KCNK10: variants seen among roughly 807,000 people sequenced by gnomAD.
KCNK10 encodes potassium two pore domain channel subfamily K member 10, also known as potassium channel subfamily K member 10.
In KCNK10, 25 loss-of-function variants were observed where a neutral mutation model predicts 47.7. The observed-to-expected ratio is 0.52, with a 90% confidence interval of 0.38 to 0.73. The LOEUF is 0.73. Ranked by LOEUF, KCNK10 falls within the 30% of genes least tolerant of loss-of-function variation. KCNK10 has a pLI of 0.00. For synonymous variants in KCNK10, 303 were observed against 285.6 expected, an observed-to-expected ratio of 1.06 and a Z score of -0.61; for missense variants, 563 against 714.5, an observed-to-expected ratio of 0.79 and a Z score of 2.42.
intron 1 of KCNK10, among the ~76,000 whole-genome samples, chr14:88,292,634 C>T (rs10141882): frequency 0.88 from 133,153 of 151,770 alleles, 58,578 homozygotes; most frequent in East Asian, 1. Context: ...TACAGGTTTT[C>T]TTGTTTGGTT....
intron 3 of KCNK10, among the ~76,000 whole-genome samples, chr14:88,231,923 C>A (rs1213576691): frequency 6.6e-6 from 1 of 152,216 alleles, no homozygotes; most frequent in African/African-American, 2.4e-5. Flanking sequence ...AGAAAAGATT[C>A]TATTATTCAC....
In KCNK10 at chr14:88,180,455, G is replaced by T; in HGVS notation, c.*5080C>A. On this transcript the variant is annotated 3_prime_UTR_variant, in exon 7 of 7. Coordinates refer to ENST00000319231, the MANE Select transcript of KCNK10 (RefSeq NM_138317.3). Reference sequence around the variant, plus strand: ...TTGCATATCACTTCTAGGCACCACTGCACCTTCTCCCTTCAAGCTCAGAGC... The same window carrying T: ...TTGCATATCACTTCTAGGCACCACTTCACCTTCTCCCTTCAAGCTCAGAGC... The T allele has an allele frequency of 4.8e-6, 1 of 208,282 alleles. No homozygotes were observed. Among genetic ancestry groups the T allele is most frequent in the Non-Finnish European group, 9.5e-6 (1 of 105,426 alleles). 12.9% of individuals were successfully genotyped at this position (208,282 alleles called of 1,614,324 possible).
chr14:88,225,378 G>A (rs1019090810), intron 4 of KCNK10, among the ~76,000 whole-genome samples: 1 of 152,118 alleles, frequency 6.6e-6, no homozygotes, highest in African/African-American at 2.4e-5. Context: ...GTGCTGCAAG[G>A]AGCTGAGTGG....
chr14:88,219,318 T>A (rs1230362454), intron 4 of KCNK10, among the ~76,000 whole-genome samples: 2 of 152,196 alleles, frequency 1.3e-5, no homozygotes, highest in East Asian at 3.9e-4. Context: ...AAACCCCCTT[T>A]GCAGCTACGA....
At chr14:88,244,749 A>G (rs1002282658) in intron 2 of KCNK10, among the ~76,000 whole-genome samples, 4 of 152,220 alleles carry the variant, frequency 2.6e-5, no homozygotes, top group African/African-American at 9.6e-5. Context: ...GAGCACACAG[A>G]TGATGAAATG....
At chr14:88,236,555 C>T (rs1006517670) in intron 3 of KCNK10, among the ~76,000 whole-genome samples, 5 of 152,076 alleles carry the variant, frequency 3.3e-5, no homozygotes, top group African/African-American at 7.2e-5. Context: ...TATAGAGCTA[C>T]GACTAAAACA....
chr14:88,269,776 G>C (rs988215596), intron 1 of KCNK10, among the ~76,000 whole-genome samples: 1 of 152,124 alleles, frequency 6.6e-6, no homozygotes. Context: ...TTCTGTGTAA[G>C]GTGATGATTA....
intron 1 of KCNK10, among the ~76,000 whole-genome samples, chr14:88,294,057 C>G (rs780849629): frequency 6.6e-5 from 10 of 152,104 alleles, no homozygotes; most frequent in Admixed American, 2.0e-4. Context: ...TCAACAGTAC[C>G]GATTTTGTTT....
In KCNK10 at chr14:88,185,937, G is replaced by A. The variant is rs533332984; in HGVS notation, c.1230C>T (p.Thr410=). 5.5e-5 allele frequency: 89 copies of A among 1,613,894 alleles called. No individual in the cohort carries two copies. The East Asian group carries it at 1.3e-3, about 23-fold the overall frequency. The change falls in exon 7 of 7, where the codon ACC becomes ACT. Residue 410 remains threonine (T), a synonymous_variant. Coordinates refer to ENST00000319231, the MANE Select transcript of KCNK10 (RefSeq NM_138317.3). This position sits in a 1 kb window ranked among gnomAD's most constrained non-coding sequence, Gnocchi z 4.3. ...CCTGGGATGAGGCCTTGAAGCGGCC[G>A]GTGTCCAGGGCAGCAAAGACAGAGC... ...EKRSVFAALD[T]GRFKASSQES... is the part of the protein sequence containing the mutation.
chr14:88,268,137 G>A (rs569066392), intron 1 of KCNK10, among the ~76,000 whole-genome samples: 2 of 152,278 alleles, frequency 1.3e-5, no homozygotes, highest in African/African-American at 4.8e-5. Flanking sequence ...AAGGAAAGAA[G>A]GAAGGAGGAG....
chr14:88,265,357 T>C (rs1887223744), intron 1 of KCNK10, among the ~76,000 whole-genome samples: 1 of 152,012 alleles, frequency 6.6e-6, no homozygotes, highest in Admixed American at 6.6e-5. Context: ...AGAGAAGGGA[T>C]GTGAGGACAG....
At chr14:88,218,980 T>C (rs1259557418) in intron 4 of KCNK10, among the ~76,000 whole-genome samples, 4 of 151,340 alleles carry the variant, frequency 2.6e-5, no homozygotes, top group African/African-American at 7.3e-5. Flanking sequence ...TGGTGTAGAT[T>C]AATCTGACAT....
chr14:88,188,591 G>A (rs528514761), intron 5 of KCNK10, among the ~76,000 whole-genome samples: 2 of 152,212 alleles, frequency 1.3e-5, no homozygotes, highest in Non-Finnish European at 2.9e-5. Flanking sequence ...ATGTGTGAAA[G>A]TAAAATTAGC....
At chr14:88,189,386 G>T (rs1479158778) in intron 5 of KCNK10, among the ~76,000 whole-genome samples, 1 of 152,176 alleles carries the variant, frequency 6.6e-6, no homozygotes, top group African/African-American at 2.4e-5. Flanking sequence ...TACGATCTGA[G>T]TTCCCGCACC....
At chr14:88,267,432 A>G (rs1175461765) in intron 1 of KCNK10, among the ~76,000 whole-genome samples, 1 of 150,618 alleles carries the variant, frequency 6.6e-6, no homozygotes, top group African/African-American at 2.4e-5. Flanking sequence ...GTGCAGTGGC[A>G]CAATCTCGGC....
intron 4 of KCNK10, among the ~76,000 whole-genome samples, chr14:88,215,401 T>A: frequency 6.6e-6 from 1 of 152,114 alleles, no homozygotes; most frequent in East Asian, 1.9e-4. Context: ...TCAGGTCTCA[T>A]GAGAACTCAC....
chr14:88,264,292 G>A (rs548876892), intron 1 of KCNK10, among the ~76,000 whole-genome samples: 17 of 152,302 alleles, frequency 1.1e-4, no homozygotes, highest in African/African-American at 1.9e-4. Context: ...GCTTTTCTGC[G>A]ATGGCAGGAA....
At chr14:88,228,463 TC>T (rs1886056210) in intron 3 of KCNK10, among the ~76,000 whole-genome samples, 1 of 152,194 alleles carries the variant, frequency 6.6e-6, no homozygotes, top group Non-Finnish European at 1.5e-5. Flanking sequence ...GAGATGAAAG[TC>T]TAAATTAATT....
rs369971194 is a variant in KCNK10, at chr14:88,224,577, G to A, written c.681+2798C>T. ...CAAAACAGGGTCACCTCAGGATTCA[G>A]GCATCTTGAAGACCAACTTTATATT... On this transcript the variant is annotated intron_variant, in intron 4 of 6. Coordinates refer to ENST00000319231, the MANE Select transcript of KCNK10 (RefSeq NM_138317.3). Among the ~76,000 whole-genome samples the A allele has an allele frequency of 3.3e-5, 5 of 152,300 alleles. No individual in the cohort carries two copies. The South Asian group carries it at 1.0e-3, about 32-fold the overall frequency.
Sources: gnomAD v4.1 joint callset for allele counts (sites outside exome capture counted in the v4.1 genomes callset) on GRCh38, gnomAD v4.1.1 for gene constraint, Gnocchi (gnomAD v3.1) non-coding constraint, MANE v1.5 for transcripts, NCBI Gene and HGNC (gene_info 2026-07-23, HGNC 2026-07-21) for gene names.